COMMD10: variants seen among roughly 807,000 people sequenced by gnomAD.
COMMD10 encodes the protein COMM domain containing 10.
COMMD10 carries 33 observed loss-of-function variants against 28.9 expected under a neutral mutation model. The observed-to-expected ratio is 1.14, with a 90% CI of 0.87 to 1.53. The LOEUF is 1.53. Among genes scored for constraint, COMMD10 ranks in the 40% most tolerant of loss-of-function variants. The pLI is 0.00. For synonymous variants in COMMD10, 110 were observed against 81.7 expected (o/e 1.35, Z -1.87); for missense variants, 310 against 233.4 (o/e 1.33, Z -2.14).
chr5:116,179,774 A>G (rs904438674), intron 5 of COMMD10, among the ~76,000 whole-genome samples: 3 of 152,092 alleles, frequency 2.0e-5, no homozygotes, highest in African/African-American at 7.2e-5. Flanking sequence ...TATCAACTGG[A>G]AGGTCAGTGT....
At chr5:116,241,962 T>A (rs1231731696) in intron 5 of COMMD10, among the ~76,000 whole-genome samples, 1 of 152,132 alleles carries the variant, frequency 6.6e-6, no homozygotes, top group African/African-American at 2.4e-5. Flanking sequence ...TCTCAGAGGA[T>A]CCCTCAACTC....
intron 5 of COMMD10, among the ~76,000 whole-genome samples, chr5:116,249,854 A>G (rs1193781306): frequency 2.0e-5 from 3 of 151,910 alleles, no homozygotes; most frequent in Non-Finnish European, 4.4e-5. Context: ...ATTTTATGAA[A>G]TGAATCAACA....
intron 5 of COMMD10, among the ~76,000 whole-genome samples, chr5:116,173,055 T>A (rs1753388914): frequency 6.6e-6 from 1 of 152,134 alleles, no homozygotes; most frequent in African/African-American, 2.4e-5. Flanking sequence ...ATAACCCTTT[T>A]TTCTGTTTGT....
At chr5:116,132,444 G>A (rs1049967530) in intron 4 of COMMD10, among the ~76,000 whole-genome samples, 1 of 152,086 alleles carries the variant, frequency 6.6e-6, no homozygotes, top group African/African-American at 2.4e-5. Context: ...TTTTTAATTT[G>A]TCTGCATCAT....
intron 5 of COMMD10, among the ~76,000 whole-genome samples, chr5:116,223,331 A>C (rs1749313134): frequency 6.7e-6 from 1 of 149,280 alleles, no homozygotes; most frequent in Admixed American, 6.6e-5. Flanking sequence ...AGAGAAAAAA[A>C]GTTCTTATTA....
intron 5 of COMMD10, among the ~76,000 whole-genome samples, chr5:116,197,772 A>G (rs751487114): frequency 6.6e-6 from 1 of 152,156 alleles, no homozygotes; most frequent in Non-Finnish European, 1.5e-5. Flanking sequence ...GTGCAGATTA[A>G]AGTATAGTTC....
At chr5:116,234,036 G>A (rs960248768) in intron 5 of COMMD10, among the ~76,000 whole-genome samples, 16 of 152,174 alleles carry the variant, frequency 1.1e-4, no homozygotes, top group African/African-American at 3.9e-4. Flanking sequence ...TGATGCTAAT[G>A]TGTCTGAAGA....
chr5:116,271,058 C>A (rs1750739981), intron 5 of COMMD10, among the ~76,000 whole-genome samples: 1 of 151,480 alleles, frequency 6.6e-6, no homozygotes, highest in African/African-American at 2.4e-5. Context: ...CCCAAAATTT[C>A]TCCAAGTGGA....
At chr5:116,215,541 G>C (rs945739733) in intron 5 of COMMD10, among the ~76,000 whole-genome samples, 7 of 151,536 alleles carry the variant, frequency 4.6e-5, no homozygotes, top group Admixed American at 3.3e-4. Context: ...ACAAAAATGA[G>C]CCAGGCGTGG....
chr5:116,245,677 C>A (rs536323976), intron 5 of COMMD10, among the ~76,000 whole-genome samples: 1 of 151,968 alleles, frequency 6.6e-6, no homozygotes, highest in Non-Finnish European at 1.5e-5. Flanking sequence ...GCTGCAAGGT[C>A]GGTTCAACAT....
intron 5 of COMMD10, among the ~76,000 whole-genome samples, chr5:116,145,357 TGTGGAGTAG>T (rs1752313817): frequency 6.6e-6 from 1 of 151,786 alleles, no homozygotes; most frequent in Non-Finnish European, 1.5e-5. Context: ...CAGGTGCACA[TGTGGAGTAG>T]GTGGATAATT....
At chr5:116,229,645 C>G (rs754716936) in intron 5 of COMMD10, among the ~76,000 whole-genome samples, 1 of 151,948 alleles carries the variant, frequency 6.6e-6, no homozygotes, top group Non-Finnish European at 1.5e-5. Flanking sequence ...GGAAGACAAA[C>G]GGTTCATATG....
intron 5 of COMMD10, among the ~76,000 whole-genome samples, chr5:116,265,947 A>T (rs1214142527): frequency 6.6e-6 from 1 of 151,802 alleles, no homozygotes; most frequent in Non-Finnish European, 1.5e-5. Context: ...AGAGAAAAAA[A>T]CAAAAAGAAA....
At chr5:116,273,996 T>C (rs1207943838) in intron 5 of COMMD10, among the ~76,000 whole-genome samples, 1 of 151,768 alleles carries the variant, frequency 6.6e-6, no homozygotes, top group African/African-American at 2.4e-5. Flanking sequence ...ATAAAATGTA[T>C]GTAAATATGA....
intron 5 of COMMD10, among the ~76,000 whole-genome samples, chr5:116,224,064 T>C (rs1749330440): frequency 6.6e-6 from 1 of 152,204 alleles, no homozygotes. Context: ...TCCACTTCCA[T>C]CTCTTGGACT....
At chr5:116,093,531 C>T (rs921395446) in intron 4 of COMMD10, among the ~76,000 whole-genome samples, 7 of 152,258 alleles carry the variant, frequency 4.6e-5, no homozygotes, top group Middle Eastern at 3.4e-3. Flanking sequence ...GGCCCCGAGA[C>T]TGGCATAGGG....
intron 5 of COMMD10, among the ~76,000 whole-genome samples, chr5:116,144,774 G>A (rs1012607955): frequency 6.6e-6 from 1 of 151,908 alleles, no homozygotes; most frequent in South Asian, 2.1e-4. Flanking sequence ...ATAAACTGAC[G>A]AAAGAATATG....
rs1190081620 is a variant in COMMD10 at position 116,085,042 on chromosome 5, G to A, written c.-11G>A. On this transcript the variant is annotated 5_prime_UTR_variant, in exon 1 of 7. Transcript: ENST00000274458. ...CAGCTAACAGACGGCGGCAGTGCGA[G>A]AAAGCCGAAGATGGCGGTCCCCGCG... is the stretch of plus-strand genomic sequence containing the variant. 3.1e-6 allele frequency: 5 copies of A among 1,606,622 alleles called. No individual in the cohort carries two copies. Among genetic ancestry groups the A allele is most frequent in the Non-Finnish European group, 4.2e-6 (5 of 1,178,012 alleles).
rs554656214 is a variant in COMMD10, at chr5:116,138,463, A to G, written c.510+4285A>G. On this transcript the variant is annotated intron_variant, in intron 5 of 6. Transcript: ENST00000274458. ...ATGTTGATAATTTTGACTGACACCAACACTTTAACTTTGAATATCTTAAAA... is the reference window on the plus strand; with the variant it reads ...ATGTTGATAATTTTGACTGACACCAGCACTTTAACTTTGAATATCTTAAAA... 2.0e-5 allele frequency among the ~76,000 whole-genome samples: 3 copies of G among 151,970 alleles called. No individual in the cohort carries two copies. The East Asian group carries it at 5.8e-4, about 29-fold the overall frequency.
Sources: allele counts gnomAD v4.1 joint callset (sites outside exome capture counted in the v4.1 genomes callset), GRCh38; gene constraint gnomAD v4.1.1; transcripts MANE v1.5; gene names NCBI Gene and HGNC (gene_info 2026-07-23, HGNC 2026-07-21).